ENTPD3: variants seen among roughly 807,000 people sequenced by gnomAD.
The protein encoded by ENTPD3 is ectonucleoside triphosphate diphosphohydrolase 3, also known as CD39 antigen-like 3.
In ENTPD3, 60 loss-of-function variants were observed where a neutral mutation model predicts 51.2. That is an observed-to-expected ratio of 1.17 (90% confidence interval 0.95 to 1.45). ENTPD3 has a LOEUF of 1.45. Ranked by LOEUF, ENTPD3 falls within the 40% of genes most tolerant of loss-of-function variation. The pLI, the probability that ENTPD3 is intolerant of heterozygous loss-of-function variation, is 0.00. For missense variants in ENTPD3, 593 were observed against 641.1 expected (o/e 0.93, Z 0.81); for synonymous variants, 221 against 238.4 (o/e 0.93, Z 0.67).
Position 40,423,007 on chromosome 3 carries a change from A to C in ENTPD3, c.989A>C (p.Asp330Ala). The C allele has an allele frequency of 6.2e-7, 1 of 1,614,056 alleles. No homozygotes were observed. The highest frequency in any genetic ancestry group is 8.5e-7 in the Non-Finnish European group (1 of 1,179,988). The part of the protein sequence containing the change: ...NDVITFEGTG[D>A]PSLCKEKVAS... ...GTCATCACTTTTGAAGGAACTGGGG[A>C]CCCATCTCTGTGTAAGGAGAAGGTG... is the stretch of plus-strand genomic sequence containing the variant. The change falls in exon 8 of 11, where the codon GAC (aspartate) becomes GCC (alanine). Residue 330 changes from aspartate to alanine, a missense_variant. By Grantham distance (126) the Asp-to-Ala change is moderately radical. Transcript: ENST00000301825.
At chr3:40,387,986 T>C (rs2125584695) in intron 1 of ENTPD3, 60 bp from the exon 2 acceptor site, 3 of 1,441,990 alleles carry the variant, frequency 2.1e-6, no homozygotes, top group Non-Finnish European at 2.9e-6. Flanking sequence ...GGGCTCGTTC[T>C]TTAAACTTGT....
At chr3:40,419,681 A>T (rs1955820959) in intron 7 of ENTPD3, among the ~76,000 whole-genome samples, 1 of 152,212 alleles carries the variant, frequency 6.6e-6, no homozygotes, top group Admixed American at 6.6e-5. Flanking sequence ...TGTATCCTTC[A>T]ATAAAATGTA....
intron 6 of ENTPD3, 40 bp from the exon 7 acceptor site, chr3:40,415,800 C>T (rs1955732023): frequency 1.3e-6 from 2 of 1,537,526 alleles, no homozygotes; most frequent in Non-Finnish European, 1.8e-6. Flanking sequence ...AGAGATGGTG[C>T]CTTTGGCTTT....
chr3:40,416,029 G>C lies in ENTPD3; in HGVS notation c.787G>C (p.Gly263Arg). 1 of 1,614,056 alleles carries C rather than the reference G, an allele frequency of 6.2e-7. No individual in the cohort carries two copies. The highest frequency in any genetic ancestry group is 8.5e-7 in the Non-Finnish European group (1 of 1,179,986). The change falls in exon 7 of 11, where the codon GGC becomes CGC. Residue 263 changes from glycine to arginine, a missense_variant. Transcript: ENST00000301825. ...TLYTHSFQCY[G>R]RNEAEKKFLA... Reference sequence around the variant, plus strand: ...CTACACACACAGCTTCCAGTGCTATGGCCGGAATGAGGCTGAGAAGAAGTT... The same window carrying C: ...CTACACACACAGCTTCCAGTGCTATCGCCGGAATGAGGCTGAGAAGAAGTT...
chr3:40,392,104 C>G lies in ENTPD3; in HGVS notation c.122C>G (p.Thr41Ser). The G allele has an allele frequency of 6.2e-7, 1 of 1,614,180 alleles. No homozygotes were observed. Among genetic ancestry groups the G allele is most frequent in the Non-Finnish European group, 8.5e-7 (1 of 1,180,014 alleles). The change falls in exon 3 of 11, where the codon ACT becomes AGT. Residue 41 changes from threonine (T) to serine (S), a missense_variant. Transcript: ENST00000301825. ...LVSIVVLVSI[T>S]VIQIHKQEVL... ...AGTATTGTGGTACTTGTGAGTATCA[C>G]TGTCATCCAGATCCACAAGCAAGAG...
chr3:40,424,940 C>T (rs1168697180), intron 10 of ENTPD3: 2 of 592,428 alleles, frequency 3.4e-6, no homozygotes, highest in Non-Finnish European at 6.2e-6. Flanking sequence ...GACATAAGGA[C>T]TGTTGGTAGC....
intron 4 of ENTPD3, among the ~76,000 whole-genome samples, chr3:40,406,547 G>T (rs1431998776): frequency 6.6e-6 from 1 of 152,216 alleles, no homozygotes; most frequent in African/African-American, 2.4e-5. Context: ...TGGAAGCAAG[G>T]ACACCAGTTA....
At chr3:40,392,986 C>T (rs1402212696) in intron 3 of ENTPD3, among the ~76,000 whole-genome samples, 3 of 149,708 alleles carry the variant, frequency 2.0e-5, no homozygotes, top group East Asian at 1.9e-4. Flanking sequence ...AACACCCCCC[C>T]GGCAAAAAAA....
chr3:40,423,062 T>C lies in ENTPD3; in HGVS notation c.1044T>C (p.His348=), dbSNP rs1376882260. The C allele has an allele frequency of 6.2e-7, 1 of 1,614,154 alleles. No homozygotes were observed. The highest frequency in any genetic ancestry group is 1.7e-5 in the Admixed American group (1 of 60,026). ...VASIFDFKAC[H]DQETCSFDGV... is the part of the protein sequence containing the mutation. ...CCATATTTGACTTCAAAGCTTGCCA[T>C]GATCAAGAAACCTGTTCTTTTGATG... is the stretch of plus-strand genomic sequence containing the variant. Residue 348 remains histidine (H), a synonymous_variant, in exon 8 of 11, where the codon CAT becomes CAC. Transcript: ENST00000301825.
chr3:40,423,458 T>C, intron 9 of ENTPD3, 57 bp downstream of exon 9: 1 of 1,206,032 alleles, frequency 8.3e-7, no homozygotes, highest in South Asian at 1.3e-5. Context: ...GTAGAATCTA[T>C]TCTATGTGTG....
intron 4 of ENTPD3, among the ~76,000 whole-genome samples, chr3:40,410,356 G>T (rs754929294): frequency 6.6e-6 from 1 of 151,036 alleles, no homozygotes; most frequent in Non-Finnish European, 1.5e-5. Flanking sequence ...CACAAGAATC[G>T]CTTGAATCTG....
At chr3:40,407,886 C>T (rs993539522) in intron 4 of ENTPD3, among the ~76,000 whole-genome samples, 3 of 152,214 alleles carry the variant, frequency 2.0e-5, no homozygotes, top group South Asian at 2.1e-4. Flanking sequence ...GCCCCCAGTG[C>T]GGTGATGTAC....
chr3:40,404,680 C>T (rs975573906), intron 4 of ENTPD3, among the ~76,000 whole-genome samples: 30 of 152,142 alleles, frequency 2.0e-4, no homozygotes, highest in African/African-American at 7.0e-4. Context: ...GAACAGAAGA[C>T]CACAAACTAA....
At chr3:40,389,259 ATAAC>A (rs1484982205) in intron 2 of ENTPD3, among the ~76,000 whole-genome samples, 3 of 152,228 alleles carry the variant, frequency 2.0e-5, no homozygotes, top group African/African-American at 7.2e-5. Flanking sequence ...TTAAACTTCT[ATAAC>A]TAACACTGAC....
chr3:40,422,102 A>G (rs544367630), intron 7 of ENTPD3, among the ~76,000 whole-genome samples: 1 of 151,668 alleles, frequency 6.6e-6, no homozygotes, highest in East Asian at 1.9e-4. Flanking sequence ...TGTGAGAGAG[A>G]GCCTAGCGCT....
chr3:40,418,528 C>T (rs897939360), intron 7 of ENTPD3, among the ~76,000 whole-genome samples: 1 of 152,170 alleles, frequency 6.6e-6, no homozygotes, highest in African/African-American at 2.4e-5. Context: ...CACCTTAGAG[C>T]TGAAGTCTCA....
intron 3 of ENTPD3, among the ~76,000 whole-genome samples, chr3:40,400,496 G>C (rs1362258256): frequency 1.3e-5 from 2 of 152,038 alleles, no homozygotes; most frequent in African/African-American, 4.8e-5. Context: ...TTGTATGCAA[G>C]ATCCATCATG....
chr3:40,412,502 T>C (rs943754649), intron 5 of ENTPD3, among the ~76,000 whole-genome samples: 1 of 152,246 alleles, frequency 6.6e-6, no homozygotes, highest in Non-Finnish European at 1.5e-5. Flanking sequence ...TTTAGCCCAG[T>C]TGCATTGTTT....
chr3:40,393,669 T>C (rs1350132375), intron 3 of ENTPD3, among the ~76,000 whole-genome samples: 3 of 152,020 alleles, frequency 2.0e-5, no homozygotes, highest in African/African-American at 4.8e-5. Context: ...AAAAACCTTA[T>C]GCAATCACCC....
Sources: gnomAD v4.1 joint callset for allele counts (sites outside exome capture counted in the v4.1 genomes callset) on GRCh38, gnomAD v4.1.1 for gene constraint, MANE v1.5 for transcripts, NCBI Gene and HGNC (gene_info 2026-07-23, HGNC 2026-07-21) for gene names.